Variants in MEOX2 observed in about 807,000 individuals in gnomAD.
MEOX2 encodes homeobox protein MOX-2.
A neutral mutation model predicts 27.0 loss-of-function variants in MEOX2; 11 were observed. The ratio of observed to expected loss-of-function variants is 0.41; its 90% CI spans 0.26 to 0.68. MEOX2 has a LOEUF of 0.68. MEOX2 is among the 30% of genes least tolerant of loss of function. MEOX2 has a pLI of 0.33. For synonymous variants in MEOX2, 189 were observed against 155.4 expected, an observed-to-expected ratio of 1.22 and a Z score of -1.61; for missense variants, 436 against 385.4, an observed-to-expected ratio of 1.13 and a Z score of -1.10.
At chr7:15,636,300 C>T (rs1039558206) in intron 1 of MEOX2, among the ~76,000 whole-genome samples, 3 of 151,676 alleles carry the variant, frequency 2.0e-5, no homozygotes, top group Non-Finnish European at 2.9e-5. Context: ...ATAATCATAT[C>T]GGAAGATTAA....
At chr7:15,658,475 G>A (rs943393972) in intron 1 of MEOX2, among the ~76,000 whole-genome samples, 1 of 152,156 alleles carries the variant, frequency 6.6e-6, no homozygotes, top group African/African-American at 2.4e-5. Flanking sequence ...CATTTTTTGT[G>A]TGTATATATT....
At position 15,619,003 on chromosome 7, in the gene MEOX2, G is replaced by A. The variant is rs189572889; in HGVS notation, c.691-6392C>T. On this transcript the variant is annotated intron_variant, in intron 2 of 2. Transcript: ENST00000262041. ...GAATGCATCTCTGAGTTTTTCATGA[G>A]GAGACATAGAAATATGGAGAATAAT... is the stretch of plus-strand genomic sequence containing the variant. Among the ~76,000 whole-genome samples, 202 of 152,032 alleles carry A rather than the reference G, an allele frequency of 1.3e-3. No individual in the cohort carries two copies. In the East Asian group the frequency reaches 0.014, roughly 10 times the overall value.
At chr7:15,616,709 A>G (rs1187700103) in intron 2 of MEOX2, among the ~76,000 whole-genome samples, 1 of 152,028 alleles carries the variant, frequency 6.6e-6, no homozygotes, top group Non-Finnish European at 1.5e-5. Context: ...CACATTTTAT[A>G]TAATAAGATT....
chr7:15,657,939 C>A (rs191724569), intron 1 of MEOX2, among the ~76,000 whole-genome samples: 1 of 152,304 alleles, frequency 6.6e-6, no homozygotes, highest in Admixed American at 6.5e-5. Context: ...GTAGAAGTTC[C>A]CCACTGAGCC....
In MEOX2 at chr7:15,670,176, T is replaced by A. The variant is rs796450952; in HGVS notation, c.517+15710A>T. On this transcript the variant is annotated intron_variant, in intron 1 of 2. Coordinates refer to ENST00000262041, the MANE Select transcript of MEOX2 (RefSeq NM_005924.5). ...TTTCATATTTCTGATTTTGCTTTTATTTTGATAAGTCCCCATATCTTACAC... is the reference window on the plus strand; with the variant it reads ...TTTCATATTTCTGATTTTGCTTTTAATTTGATAAGTCCCCATATCTTACAC... Among the ~76,000 whole-genome samples, 8 of 152,344 alleles carry A rather than the reference T, an allele frequency of 5.3e-5. No individual in the cohort carries two copies. In the South Asian group the frequency reaches 1.0e-3, roughly 20 times the overall value.
chr7:15,631,801 A>G (rs937764482), intron 1 of MEOX2, among the ~76,000 whole-genome samples: 3 of 151,560 alleles, frequency 2.0e-5, no homozygotes, highest in African/African-American at 7.3e-5. Flanking sequence ...TATTTTACAT[A>G]TTATTTTAAT....
At position 15,612,619 on chromosome 7, in the gene MEOX2, C is replaced by A. The variant is rs761333382; in HGVS notation, c.691-8G>T. On this transcript the variant is annotated splice_polypyrimidine_tract_variant and splice_region_variant and intron_variant, in intron 2 of 2. Transcript: ENST00000262041. ...TTGGAACCAGACTTTCACCTTCAAC[C>A]AAGAAAGGGAACAAACAAACAGAAA... 3 of 1,609,930 alleles carry A rather than the reference C, an allele frequency of 1.9e-6. No individual in the cohort carries two copies. The highest frequency in any genetic ancestry group is 1.7e-6 in the Non-Finnish European group (2 of 1,176,376).
chr7:15,664,593 T>C (rs1281411549), intron 1 of MEOX2, among the ~76,000 whole-genome samples: 1 of 152,176 alleles, frequency 6.6e-6, no homozygotes, highest in African/African-American at 2.4e-5. Context: ...TGATTTAAAG[T>C]AGAATATGAA....
intron 1 of MEOX2, among the ~76,000 whole-genome samples, chr7:15,659,736 G>A (rs1453412759): frequency 6.9e-6 from 1 of 145,500 alleles, no homozygotes; most frequent in Non-Finnish European, 1.5e-5. Flanking sequence ...CTCCAGCCTG[G>A]GTGACAGAGC....
At chr7:15,654,814 C>G (rs188865953) in intron 1 of MEOX2, among the ~76,000 whole-genome samples, 1 of 151,540 alleles carries the variant, frequency 6.6e-6, no homozygotes, top group African/African-American at 2.4e-5. Context: ...AATTTTACAT[C>G]TATTTTAATG....
intron 2 of MEOX2, among the ~76,000 whole-genome samples, chr7:15,614,357 T>A (rs894666226): frequency 1.3e-5 from 2 of 152,054 alleles, no homozygotes; most frequent in African/African-American, 4.8e-5. Context: ...GAGGTTGCAG[T>A]CAGTGGTTGT....
At chr7:15,659,951 A>T (rs1299073505) in intron 1 of MEOX2, among the ~76,000 whole-genome samples, 1 of 152,134 alleles carries the variant, frequency 6.6e-6, no homozygotes, top group Non-Finnish European at 1.5e-5. Flanking sequence ...TGTCTCTGTA[A>T]TCAGGTTTAG....
At chr7:15,668,686 G>C (rs959901395) in intron 1 of MEOX2, among the ~76,000 whole-genome samples, 5 of 152,068 alleles carry the variant, frequency 3.3e-5, no homozygotes, top group Admixed American at 3.3e-4. Flanking sequence ...ATGTTGGTCA[G>C]GCTCGTCTCG....
At chr7:15,649,300 AGGAGCT>A (rs1213721757) in intron 1 of MEOX2, among the ~76,000 whole-genome samples, 1 of 152,124 alleles carries the variant, frequency 6.6e-6, no homozygotes, top group Non-Finnish European at 1.5e-5. Context: ...AACTTCATTA[AGGAGCT>A]TATAAAAATA....
At chr7:15,615,787 T>A (rs1781115159) in intron 2 of MEOX2, among the ~76,000 whole-genome samples, 1 of 152,056 alleles carries the variant, frequency 6.6e-6, no homozygotes, top group Admixed American at 6.6e-5. Flanking sequence ...AAGAAATACA[T>A]ATGTCATGAT....
intron 1 of MEOX2, chr7:15,681,594 G>A (rs1367922873): frequency 6.6e-6 from 1 of 151,652 alleles, no homozygotes; most frequent in Admixed American, 6.6e-5. Flanking sequence ...TAAGTTCTTA[G>A]GATGTTTAGA....
chr7:15,648,546 T>G (rs569472377), intron 1 of MEOX2, among the ~76,000 whole-genome samples: 164 of 152,192 alleles, frequency 1.1e-3, no homozygotes, highest in Non-Finnish European at 1.9e-3. Context: ...CTGGGTCCTT[T>G]ATTGTTACCA....
rs117761617 is a variant in MEOX2 at position 15,639,188 on chromosome 7, T to C, written c.518-12270A>G. 9.6e-3 allele frequency among the ~76,000 whole-genome samples: 1,464 copies of C among 152,280 alleles called. 15 individuals carry two copies. Among genetic ancestry groups the C allele is most frequent in the South Asian group, 0.017 (81 of 4,826 alleles). On this transcript the variant is annotated intron_variant, in intron 1 of 2. Transcript: ENST00000262041. Reference sequence around the variant, plus strand: ...AGCCATTCTGACTGGTATGAGATGGTATCTCATAGGGGTTTTTATTTGTAT... The same window carrying C: ...AGCCATTCTGACTGGTATGAGATGGCATCTCATAGGGGTTTTTATTTGTAT...
chr7:15,652,675 A>C (rs1006053558), intron 1 of MEOX2, among the ~76,000 whole-genome samples: 2 of 152,000 alleles, frequency 1.3e-5, no homozygotes, highest in South Asian at 2.1e-4. Context: ...CAAGTTCTCT[A>C]TGTCTGTAAT....
Sources: allele counts gnomAD v4.1 joint callset (sites outside exome capture counted in the v4.1 genomes callset), GRCh38; gene constraint gnomAD v4.1.1; transcripts MANE v1.5; gene names NCBI Gene and HGNC (gene_info 2026-07-23, HGNC 2026-07-21).